The following GRID1 variants were observed in gnomAD, a reference collection of about 807,000 sequenced individuals.
The protein encoded by GRID1 is glutamate receptor ionotropic, delta-1.
A neutral mutation model predicts 98.0 loss-of-function variants in GRID1; 28 were observed. The observed-to-expected ratio is 0.29, with a 90% CI of 0.21 to 0.39. The LOEUF (loss-of-function observed/expected upper bound fraction) is 0.39, where lower values mean the gene tolerates loss of function less well. GRID1 is among the 10% of genes least tolerant of loss of function. The pLI is 1.00. For synonymous variants in GRID1, 553 were observed against 538.5 expected, an observed-to-expected ratio of 1.03 and a Z score of -0.37; for missense variants, 1,111 against 1,340.5, an observed-to-expected ratio of 0.83 and a Z score of 2.67.
intron 2 of GRID1, among the ~76,000 whole-genome samples, chr10:86,338,848 G>A (rs1156924831): frequency 3.9e-5 from 6 of 152,172 alleles, no homozygotes; most frequent in East Asian, 1.9e-4. Flanking sequence ...GTGAGCCACC[G>A]CGCCTGGCTC....
In GRID1 at chr10:85,608,847, G is replaced by A. The variant is rs576895554; in HGVS notation, c.2601+4560C>T. ...TCCATGGCTTCTCACTGGAGGCCGT[G>A]GGCTGAAACATGCACACTCACTATT... On this transcript the variant is annotated intron_variant, in intron 15 of 15. Coordinates refer to ENST00000327946, the MANE Select transcript of GRID1 (RefSeq NM_017551.3). Among the ~76,000 whole-genome samples, 3 of 152,286 alleles carry A rather than the reference G, an allele frequency of 2.0e-5. No homozygotes were observed. The East Asian group carries it at 5.8e-4, about 29-fold the overall frequency.
chr10:86,021,495 T>C (rs1008342991), intron 4 of GRID1, among the ~76,000 whole-genome samples: 15 of 152,120 alleles, frequency 9.9e-5, no homozygotes, highest in African/African-American at 3.6e-4. Context: ...TACTCTTTTC[T>C]TCTGCTTGAG....
At chr10:86,115,655 C>G (rs1325207669) in intron 4 of GRID1, among the ~76,000 whole-genome samples, 1 of 152,116 alleles carries the variant, frequency 6.6e-6, no homozygotes. Flanking sequence ...GGGTCCTGAC[C>G]CATTTGCTTA....
chr10:86,296,790 CATACAT>C (rs1324176832), intron 2 of GRID1, among the ~76,000 whole-genome samples: 329 of 7,988 alleles, frequency 0.041, no homozygotes, highest in Non-Finnish European at 0.06. Flanking sequence ...TACACACATA[CATACAT>C]ACATACATAC....
chr10:86,206,354 G>A lies in GRID1; in HGVS notation c.520+10C>T. The A allele has an allele frequency of 6.3e-7, 1 of 1,582,830 alleles. No homozygotes were observed. Among genetic ancestry groups the A allele is most frequent in the Non-Finnish European group, 8.6e-7 (1 of 1,160,690 alleles). ...CCAAGCAGCCCCAGCTCGCCTGCCG[G>A]ACAACTCACCATACTCGCTGTCGTA... On this transcript the variant is annotated intron_variant, in intron 3 of 15. Coordinates refer to ENST00000327946, the MANE Select transcript of GRID1 (RefSeq NM_017551.3). The surrounding 1 kb of genome is among the most constrained non-coding windows in gnomAD (Gnocchi z 4.1).
At chr10:86,265,952 C>T (rs1589431518) in intron 2 of GRID1, among the ~76,000 whole-genome samples, 1 of 152,112 alleles carries the variant, frequency 6.6e-6, no homozygotes, top group South Asian at 2.1e-4. Flanking sequence ...CCCTTGCCAC[C>T]CATGCCCACC....
At chr10:85,978,366 G>T (rs1340825068) in intron 4 of GRID1, among the ~76,000 whole-genome samples, 1 of 152,192 alleles carries the variant, frequency 6.6e-6, no homozygotes, top group Admixed American at 6.5e-5. Context: ...AAGGGACTGG[G>T]TAGCTTACCA....
At chr10:86,032,756 C>A (rs1843204395) in intron 4 of GRID1, among the ~76,000 whole-genome samples, 1 of 151,278 alleles carries the variant, frequency 6.6e-6, no homozygotes, top group Non-Finnish European at 1.5e-5. Context: ...TGCTGACCTT[C>A]CCTCCACTAT....
chr10:86,207,670 C>T (rs375906056), intron 2 of GRID1, among the ~76,000 whole-genome samples: 12 of 120,804 alleles, frequency 9.9e-5, no homozygotes, highest in Non-Finnish European at 1.8e-4. Context: ...TTCGCTCTGT[C>T]GCCCAGGCTG....
At chr10:85,821,516 C>CAAAAAAAAA (rs1157209045) in intron 8 of GRID1, among the ~76,000 whole-genome samples, 34 of 9,100 alleles carry the variant, frequency 3.7e-3, no homozygotes, top group Non-Finnish European at 6.8e-3. Flanking sequence ...GACTTCATCT[C>CAAAAAAAAA]AAAAAAAAAA....
chr10:86,363,303 G>A (rs1276007429), intron 2 of GRID1, among the ~76,000 whole-genome samples: 1 of 152,208 alleles, frequency 6.6e-6, no homozygotes, highest in Non-Finnish European at 1.5e-5. Context: ...TCCTTTCCTG[G>A]GCGAACAGCG....
chr10:86,219,292 G>C (rs1429412920), intron 2 of GRID1, among the ~76,000 whole-genome samples: 1 of 152,156 alleles, frequency 6.6e-6, no homozygotes, highest in Non-Finnish European at 1.5e-5. Flanking sequence ...CCAATCCATC[G>C]TCCACCTTTC....
At chr10:86,166,260 G>A (rs945892113) in intron 3 of GRID1, among the ~76,000 whole-genome samples, 1 of 152,200 alleles carries the variant, frequency 6.6e-6, no homozygotes, top group East Asian at 1.9e-4. Flanking sequence ...GAGTGAACAG[G>A]GAACATACAG....
At chr10:85,711,654 T>G (rs969032246) in intron 12 of GRID1, among the ~76,000 whole-genome samples, 5 of 151,814 alleles carry the variant, frequency 3.3e-5, no homozygotes, top group African/African-American at 9.7e-5. Flanking sequence ...CAATAAAAAT[T>G]TAAATCAGAA....
In GRID1 at chr10:85,865,942, T is replaced by C. The variant is rs201503582; in HGVS notation, c.951+3068A>G. ...ATATATATATATATATATATATATA[T>C]ACACATATATATGGAGAGAGAGAGA... is the stretch of plus-strand genomic sequence containing the variant. On this transcript the variant is annotated intron_variant, in intron 6 of 15. Coordinates refer to ENST00000327946, the MANE Select transcript of GRID1 (RefSeq NM_017551.3). 5.5e-3 allele frequency among the ~76,000 whole-genome samples: 520 copies of C among 94,790 alleles called. 17 individuals carry two copies. The highest frequency in any genetic ancestry group is 0.015 in the African/African-American group (379 of 25,006). The allele number at this position is 94,790 out of a possible 152,430, so 62.2% of individuals were successfully genotyped here.
chr10:86,304,749 G>A (rs1847735978), intron 2 of GRID1, among the ~76,000 whole-genome samples: 1 of 152,230 alleles, frequency 6.6e-6, no homozygotes, highest in Non-Finnish European at 1.5e-5. Context: ...AAGGCTTCAA[G>A]AGGGACAAGG....
At chr10:85,831,134 A>G (rs1432695232) in intron 8 of GRID1, among the ~76,000 whole-genome samples, 1 of 152,054 alleles carries the variant, frequency 6.6e-6, no homozygotes, top group Non-Finnish European at 1.5e-5. Flanking sequence ...GCTATAAAAA[A>G]AAAATGAGAT....
intron 12 of GRID1, among the ~76,000 whole-genome samples, chr10:85,656,732 C>A (rs970801407): frequency 1.3e-5 from 2 of 152,172 alleles, no homozygotes; most frequent in Admixed American, 6.5e-5. Flanking sequence ...TTCAGCATTT[C>A]CTATCTCTTC....
intron 12 of GRID1, among the ~76,000 whole-genome samples, chr10:85,691,741 C>A (rs1841334990): frequency 6.6e-6 from 1 of 152,178 alleles, no homozygotes; most frequent in Non-Finnish European, 1.5e-5. Context: ...AAATTATTTT[C>A]TTTCCCTCAT....
Sources: gnomAD v4.1 joint callset for allele counts (sites outside exome capture counted in the v4.1 genomes callset) on GRCh38, gnomAD v4.1.1 for gene constraint, Gnocchi (gnomAD v3.1) non-coding constraint, MANE v1.5 for transcripts, NCBI Gene and HGNC (gene_info 2026-07-23, HGNC 2026-07-21) for gene names.